KIAA2012: variants seen among roughly 807,000 people sequenced by gnomAD.
KIAA2012 encodes the protein uncharacterized protein KIAA2012.
Under a neutral mutation model 150.6 loss-of-function variants are expected in KIAA2012, and 125 were observed. The observed-to-expected ratio is 0.83, with a 90% CI of 0.72 to 0.96. The LOEUF is 0.96. Ranked by LOEUF, KIAA2012 falls within the 40% of genes least tolerant of loss-of-function variation. The pLI, the probability that KIAA2012 is intolerant of heterozygous loss-of-function variation, is 0.00. For missense variants in KIAA2012, 1,219 were observed against 1,354.9 expected (o/e 0.90, Z 1.57); for synonymous variants, 462 against 504.7 (o/e 0.92, Z 1.13).
intron 2 of KIAA2012, among the ~76,000 whole-genome samples, chr2:202,084,120 G>A (rs1689510292): frequency 6.6e-6 from 1 of 152,096 alleles, no homozygotes; most frequent in South Asian, 2.1e-4. Context: ...GGAGGGCTGT[G>A]CCTGCCAGTT....
In KIAA2012 at chr2:202,113,345, G is replaced by T; in HGVS notation, c.1661G>T (p.Ser554Ile). The T allele has an allele frequency of 1.3e-6, 2 of 1,550,538 alleles. No homozygotes were observed. Among genetic ancestry groups the T allele is most frequent in the Non-Finnish European group, 1.7e-6 (2 of 1,146,804 alleles). The change falls in exon 11 of 24, where the codon AGC becomes ATC. Residue 554 changes from serine (S) to isoleucine (I), a missense_variant. Coordinates refer to ENST00000498697, the MANE Select transcript of KIAA2012 (RefSeq NM_001277372.4). ...RALPAAQEDS[S>I]DPTLGHFLLG... The stretch of plus-strand genomic sequence containing the variant: ...TGTGCTTATTTTCAAGAAGATTCCA[G>T]CGACCCTACACTGGGACACTTCTTG...
chr2:202,196,442 G>C (rs185992647), intron 21 of KIAA2012, among the ~76,000 whole-genome samples: 3 of 151,836 alleles, frequency 2.0e-5, no homozygotes, highest in Non-Finnish European at 4.4e-5. Context: ...TGATCCGCCC[G>C]CCTCGGCCTC....
chr2:202,099,523 C>A, intron 5 of KIAA2012, 90 bp from the exon 6 acceptor site: 1 of 1,068,944 alleles, frequency 9.4e-7, no homozygotes, highest in African/African-American at 1.6e-5. Context: ...TCCTTGAAAC[C>A]ATAAGCCTAG....
At chr2:202,194,110 T>C (rs1692365514) in intron 20 of KIAA2012, 80 bp from the exon 21 acceptor site, 2 of 1,464,692 alleles carry the variant, frequency 1.4e-6, no homozygotes, top group East Asian at 2.5e-5. Flanking sequence ...GCCTCCCCCA[T>C]GGGCACTGTC....
intron 17 of KIAA2012, among the ~76,000 whole-genome samples, chr2:202,187,373 C>T (rs963783680): frequency 1.3e-5 from 2 of 152,048 alleles, no homozygotes; most frequent in African/African-American, 4.8e-5. Flanking sequence ...GGCGCGGTCT[C>T]GGCTTACTGC....
At chr2:202,167,809 A>T (rs1324856125) in intron 15 of KIAA2012, among the ~76,000 whole-genome samples, 1 of 152,002 alleles carries the variant, frequency 6.6e-6, no homozygotes, top group Admixed American at 6.6e-5. Flanking sequence ...GCACCACTGC[A>T]CTCCAGCCTG....
At chr2:202,108,764 C>G (rs1690267999) in intron 9 of KIAA2012, among the ~76,000 whole-genome samples, 1 of 152,194 alleles carries the variant, frequency 6.6e-6, no homozygotes, top group African/African-American at 2.4e-5. Flanking sequence ...AAGGTGATAT[C>G]TGCCCCATTT....
At chr2:202,191,466 G>A (rs1333959085) in intron 19 of KIAA2012, among the ~76,000 whole-genome samples, 1 of 151,530 alleles carries the variant, frequency 6.6e-6, no homozygotes. Context: ...CATTGCTTGA[G>A]ATCAGGAGTT....
At chr2:202,200,743 G>A (rs1190261972) in intron 22 of KIAA2012, among the ~76,000 whole-genome samples, 1 of 109,886 alleles carries the variant, frequency 9.1e-6, no homozygotes, top group Admixed American at 1.2e-4. Context: ...TTTCGCTCTT[G>A]TTGCCCAGGC....
chr2:202,166,758 C>T (rs1691775520), intron 15 of KIAA2012, among the ~76,000 whole-genome samples: 1 of 151,994 alleles, frequency 6.6e-6, no homozygotes, highest in South Asian at 2.1e-4. Context: ...AAGTTGTGAT[C>T]TTCATGGTTA....
intron 19 of KIAA2012, among the ~76,000 whole-genome samples, chr2:202,192,454 C>CT (rs71406952): frequency 0.11 from 12,890 of 120,334 alleles, 859 homozygotes; most frequent in Non-Finnish European, 0.15. Context: ...AAAATAGCTT[C>CT]TTTTTTTTTT....
intron 2 of KIAA2012, 109 bp downstream of exon 2, chr2:202,075,284 C>A: frequency 8.2e-7 from 1 of 1,219,434 alleles, no homozygotes; most frequent in Non-Finnish European, 1.1e-6. Flanking sequence ...ATGAAACTCT[C>A]AGAACTCTAT....
In KIAA2012 at chr2:202,104,971, C is replaced by A. The variant is rs555683937; in HGVS notation, c.1325-790C>A. Among the ~76,000 whole-genome samples the A allele has an allele frequency of 2.6e-5, 4 of 152,336 alleles. No homozygotes were observed. The highest frequency in any genetic ancestry group is 1.9e-4 in the East Asian group (1 of 5,190). On this transcript the variant is annotated intron_variant, in intron 8 of 23. Coordinates refer to ENST00000498697, the MANE Select transcript of KIAA2012 (RefSeq NM_001277372.4). This position sits in a 1 kb window ranked among gnomAD's most constrained non-coding sequence, Gnocchi z 4.3. ...AACCAGATTCTTAAAGCCAGATGCACTGAGCTTACCAACACACTGACAATG... is the reference window on the plus strand; with the variant it reads ...AACCAGATTCTTAAAGCCAGATGCAATGAGCTTACCAACACACTGACAATG...
intron 9 of KIAA2012, among the ~76,000 whole-genome samples, chr2:202,108,079 C>T (rs1331632914): frequency 1.3e-5 from 2 of 152,192 alleles, no homozygotes; most frequent in Admixed American, 6.5e-5. Flanking sequence ...GAGGTCCCTG[C>T]TGCACGGGCA....
At chr2:202,098,540 T>TC (rs1288511096) in intron 5 of KIAA2012, among the ~76,000 whole-genome samples, 2 of 152,210 alleles carry the variant, frequency 1.3e-5, no homozygotes, top group Middle Eastern at 3.2e-3. Context: ...CCACAGATTC[T>TC]CCCCTGACTC....
intron 12 of KIAA2012, among the ~76,000 whole-genome samples, chr2:202,132,802 A>ATTTTTTT (rs1227829333): frequency 5.7e-4 from 54 of 94,680 alleles, no homozygotes; most frequent in Non-Finnish European, 8.3e-4. Context: ...ATATATATAT[A>ATTTTTTT]TTTTTTTTTT....
intron 11 of KIAA2012, 146 bp downstream of exon 11, chr2:202,113,592 G>C (rs1157616751): frequency 1.7e-6 from 1 of 605,056 alleles, no homozygotes; most frequent in Non-Finnish European, 2.9e-6. Flanking sequence ...CCGACACAGA[G>C]GTGCTTCTGT....
rs1307480909 is a variant in KIAA2012, at chr2:202,073,581, C to T, written c.-47C>T. 1.2e-5 allele frequency: 19 copies of T among 1,534,826 alleles called. No individual in the cohort carries two copies. The highest frequency in any genetic ancestry group is 1.6e-5 in the Non-Finnish European group (18 of 1,135,066). On this transcript the variant is annotated 5_prime_UTR_variant, in exon 1 of 24. Transcript: ENST00000498697. ...TGAGGTGTGACCAGATTTCAGCCTT[C>T]AAAACCAAGATGGACTGCCCTTGAG...
intron 15 of KIAA2012, chr2:202,178,605 TGA>T (rs1000587838): frequency 3.9e-4 from 59 of 152,578 alleles, no homozygotes; most frequent in African/African-American, 1.4e-3. Context: ...AAGTCTTCAG[TGA>T]GAGTTTTTTC....
Sources: allele counts gnomAD v4.1 joint callset (sites outside exome capture counted in the v4.1 genomes callset), GRCh38; gene constraint gnomAD v4.1.1; non-coding constraint Gnocchi (gnomAD v3.1); transcripts MANE v1.5; gene names NCBI Gene and HGNC (gene_info 2026-07-23, HGNC 2026-07-21).